The following ZEB1 variants were observed in gnomAD, a reference collection of about 807,000 sequenced individuals.
ZEB1 encodes the protein zinc finger E-box-binding homeobox 1.
A neutral mutation model predicts 84.9 loss-of-function variants in ZEB1; 21 were observed. The observed-to-expected ratio is 0.25, with a 90% confidence interval of 0.18 to 0.36. The LOEUF is 0.36. ZEB1 is among the 10% of genes least tolerant of loss of function. The pLI is 1.00. For missense variants in ZEB1, 1,104 were observed against 1,330.2 expected (o/e 0.83, Z 2.65); for synonymous variants, 420 against 471.1 (o/e 0.89, Z 1.41).
At chr10:31,404,137 T>C (rs568112703) in intron 1 of ZEB1, among the ~76,000 whole-genome samples, 1 of 152,242 alleles carries the variant, frequency 6.6e-6, no homozygotes, top group African/African-American at 2.4e-5. Context: ...AACAATGTAC[T>C]TGAAGCAACA....
Position 31,526,921 on chromosome 10 carries a change from T to G in ZEB1, c.3035T>G (p.Val1012Gly), listed in dbSNP as rs773986137. Residue 1012 changes from valine to glycine, a missense_variant, in exon 9 of 9, where the codon GTG becomes GGG. Coordinates refer to ENST00000424869, the MANE Select transcript of ZEB1 (RefSeq NM_001174096.2). ...CCTGAAATCCTCTCGAATGAGCACG[T>G]GGGTGCCAGGGCGTCTCCCTCACAG... ...AGPEILSNEHVGARASPSQGD... is the reference protein window; with the variant it reads ...AGPEILSNEHGGARASPSQGD... The G allele has an allele frequency of 3.7e-6, 6 of 1,613,900 alleles. 1 individual carries two copies. The African/African-American group carries it at 4.0e-5, about 11-fold the overall frequency.
Position 31,379,906 on chromosome 10 carries a change from A to G in ZEB1, c.58+60614A>G, listed in dbSNP as rs1207455745. ...TCTTTTCACTCCTGCATTCTTTCAT[A>G]TGCATTTCTTTAAAAGAAGGAATTT... On this transcript the variant is annotated intron_variant, in intron 1 of 8. Coordinates refer to ENST00000424869, the MANE Select transcript of ZEB1 (RefSeq NM_001174096.2). Among the ~76,000 whole-genome samples the G allele has an allele frequency of 2.6e-5, 4 of 152,272 alleles. No individual in the cohort carries two copies. The South Asian group carries it at 8.3e-4, about 32-fold the overall frequency.
At chr10:31,319,539 C>T (rs1589879971) in intron 1 of ZEB1, 1 of 522,854 alleles carries the variant, frequency 1.9e-6, no homozygotes, top group South Asian at 2.4e-5. Flanking sequence ...CCTAGCGGCT[C>T]CCGCCGCCCC....
chr10:31,389,327 T>C (rs557156696), intron 1 of ZEB1, among the ~76,000 whole-genome samples: 29 of 152,206 alleles, frequency 1.9e-4, no homozygotes, highest in African/African-American at 6.7e-4. Context: ...GGGAGAAGAT[T>C]TGATTTTCAT....
chr10:31,513,030 T>C (rs762726640), intron 5 of ZEB1, among the ~76,000 whole-genome samples: 3 of 152,174 alleles, frequency 2.0e-5, no homozygotes, highest in Non-Finnish European at 2.9e-5. Flanking sequence ...TGGATTGTAT[T>C]CTAAAGTGCA....
chr10:31,392,935 A>C (rs1418141167), intron 1 of ZEB1, among the ~76,000 whole-genome samples: 2 of 152,144 alleles, frequency 1.3e-5, no homozygotes, highest in Non-Finnish European at 2.9e-5. Context: ...CTGAGGCTCA[A>C]GCCATCCTCC....
At chr10:31,334,051 G>A (rs1004089504) in intron 1 of ZEB1, among the ~76,000 whole-genome samples, 2 of 151,802 alleles carry the variant, frequency 1.3e-5, no homozygotes, top group African/African-American at 4.8e-5. Flanking sequence ...CAGAAACTAG[G>A]ACTGCAGAAG....
rs532593047 is a variant in ZEB1 at position 31,468,062 on chromosome 10, T to G, written c.259+6825T>G. Among the ~76,000 whole-genome samples, 5 of 152,270 alleles carry G rather than the reference T, an allele frequency of 3.3e-5. No homozygotes were observed. In the East Asian group the frequency reaches 9.7e-4, roughly 29 times the overall value. The stretch of plus-strand genomic sequence containing the variant: ...TAGCCCTCTTACCCTGAACCAGCTC[T>G]TGTGGCACAGAAGAGGTGCCTGCAC... On this transcript the variant is annotated intron_variant, in intron 2 of 8. Transcript: ENST00000424869.
chr10:31,411,105 A>G (rs2054156807), intron 1 of ZEB1, among the ~76,000 whole-genome samples: 1 of 152,136 alleles, frequency 6.6e-6, no homozygotes, highest in Non-Finnish European at 1.5e-5. Flanking sequence ...AAAATCAACC[A>G]CATAGTTGGA....
chr10:31,509,680 G>C (rs1258928076), intron 4 of ZEB1, among the ~76,000 whole-genome samples: 4 of 152,192 alleles, frequency 2.6e-5, no homozygotes, highest in African/African-American at 9.6e-5. Flanking sequence ...TATATGTTCA[G>C]AAAGCACTTG....
chr10:31,450,930 A>G (rs745911867), intron 1 of ZEB1, among the ~76,000 whole-genome samples: 5 of 151,824 alleles, frequency 3.3e-5, no homozygotes, highest in Admixed American at 1.3e-4. Context: ...GTGTGTGCAC[A>G]TGCATGTATA....
chr10:31,321,260 C>A, intron 1 of ZEB1: 1 of 1,281,992 alleles, frequency 7.8e-7, no homozygotes, highest in Non-Finnish European at 9.9e-7. Context: ...CAAGATGTTT[C>A]CTTCCAATCC....
chr10:31,396,361 G>A (rs931340512), intron 1 of ZEB1, among the ~76,000 whole-genome samples: 1 of 152,238 alleles, frequency 6.6e-6, no homozygotes, highest in East Asian at 1.9e-4. Context: ...TATATGACTC[G>A]CTGTTTTAAT....
chr10:31,481,168 G>A lies in ZEB1; in HGVS notation c.260-14608G>A, dbSNP rs116530017. 8.0e-3 allele frequency among the ~76,000 whole-genome samples: 1,217 copies of A among 152,136 alleles called. 17 individuals are homozygous for A. The highest frequency in any genetic ancestry group is 0.027 in the African/African-American group (1,123 of 41,518). ...GATAATAAGACCCAGATTTCTCACC[G>A]TAAGATAAAAGGCTAGTGTGTTCAG... is the stretch of plus-strand genomic sequence containing the variant. On this transcript the variant is annotated intron_variant, in intron 2 of 8. Transcript: ENST00000424869.
At chr10:31,499,821 A>C (rs1183717047) in intron 3 of ZEB1, among the ~76,000 whole-genome samples, 1 of 152,176 alleles carries the variant, frequency 6.6e-6, no homozygotes, top group Non-Finnish European at 1.5e-5. Flanking sequence ...AAGTAAATAC[A>C]TCTTATAATA....
chr10:31,449,959 A>G (rs778075316), intron 1 of ZEB1, among the ~76,000 whole-genome samples: 42 of 152,210 alleles, frequency 2.8e-4, no homozygotes, highest in Non-Finnish European at 5.4e-4. Context: ...TTAGAAGAAT[A>G]TATAACATGC....
rs554451856 is a variant in ZEB1, at chr10:31,520,725, T to G, written c.1393T>G (p.Leu465Val). 27 of 1,614,100 alleles carry G rather than the reference T, an allele frequency of 1.7e-5. No individual in the cohort carries two copies. In the East Asian group the frequency reaches 5.8e-4, roughly 35 times the overall value. Residue 465 changes from leucine to valine, a missense_variant, in exon 7 of 9, where the codon TTG becomes GTG. By Grantham distance (32) the Leu-to-Val change is conservative. Coordinates refer to ENST00000424869, the MANE Select transcript of ZEB1 (RefSeq NM_001174096.2). The surrounding 1 kb of genome is among the most constrained non-coding windows in gnomAD (Gnocchi z 5.1). ...TGTTATTTCAGCCATCAGTCTTCCTTTGGTTGATCAAGATGGAACAACCAA... is the reference window on the plus strand; with the variant it reads ...TGTTATTTCAGCCATCAGTCTTCCTGTGGTTGATCAAGATGGAACAACCAA... ...HSVISAISLP[L>V]VDQDGTTKII...
intron 1 of ZEB1, among the ~76,000 whole-genome samples, chr10:31,446,309 T>C (rs1423102910): frequency 2.6e-5 from 4 of 152,020 alleles, no homozygotes; most frequent in Non-Finnish European, 4.4e-5. Flanking sequence ...TTCTCTCTTT[T>C]TTTATTAGTC....
At chr10:31,420,746 G>A (rs1176670734) in intron 1 of ZEB1, among the ~76,000 whole-genome samples, 1 of 152,094 alleles carries the variant, frequency 6.6e-6, no homozygotes, top group Non-Finnish European at 1.5e-5. Flanking sequence ...ATGGATCATT[G>A]GAGGTCAGTC....
Sources: allele counts gnomAD v4.1 joint callset (sites outside exome capture counted in the v4.1 genomes callset), GRCh38; gene constraint gnomAD v4.1.1; non-coding constraint Gnocchi (gnomAD v3.1); transcripts MANE v1.5; gene names NCBI Gene and HGNC (gene_info 2026-07-23, HGNC 2026-07-21).